PCDHA4: variants seen among roughly 807,000 people sequenced by gnomAD.
PCDHA4 encodes the protein protocadherin alpha 4.
A neutral mutation model predicts 61.4 loss-of-function variants in PCDHA4; 49 were observed. The observed-to-expected ratio is 0.80, with a 90% CI of 0.63 to 1.01. The LOEUF is 1.01. PCDHA4 is among the 50% of genes least tolerant of loss of function. PCDHA4 has a pLI of 0.00. For synonymous variants in PCDHA4, 590 were observed against 550.3 expected (o/e 1.07, Z -1.01); for missense variants, 1,254 against 1,235.8 (o/e 1.01, Z -0.22).
intron 1 of PCDHA4, among the ~76,000 whole-genome samples, chr5:140,820,018 G>T (rs1766670311): frequency 6.6e-6 from 1 of 151,780 alleles, no homozygotes; most frequent in Non-Finnish European, 1.5e-5. Flanking sequence ...TTATTCCATA[G>T]CTTTGTAGTT....
intron 1 of PCDHA4, among the ~76,000 whole-genome samples, chr5:140,947,178 C>T (rs1356075084): frequency 6.6e-6 from 1 of 151,188 alleles, no homozygotes. Context: ...GGTATATATT[C>T]ATGGTATACT....
At chr5:140,933,613 A>G (rs1441475985) in intron 1 of PCDHA4, among the ~76,000 whole-genome samples, 1 of 151,962 alleles carries the variant, frequency 6.6e-6, no homozygotes, top group Non-Finnish European at 1.5e-5. Flanking sequence ...TTCTTTTCTT[A>G]TTAGGTTAGG....
chr5:140,952,948 A>AG (rs1177459807), intron 1 of PCDHA4, among the ~76,000 whole-genome samples: 39 of 152,028 alleles, frequency 2.6e-4, no homozygotes, highest in African/African-American at 8.5e-4. Context: ...GAGAGAGAGA[A>AG]GGGGGAAGTG....
chr5:140,975,588 A>G (rs2096673583), intron 1 of PCDHA4, among the ~76,000 whole-genome samples: 1 of 152,210 alleles, frequency 6.6e-6, no homozygotes, highest in South Asian at 2.1e-4. Context: ...CATGTCCCAG[A>G]GGGCAATTTG....
chr5:140,882,748 A>G (rs1562779294), intron 1 of PCDHA4: 1 of 1,614,258 alleles, frequency 6.2e-7, no homozygotes, highest in Non-Finnish European at 8.5e-7. Flanking sequence ...CATCCGATGC[A>G]GATATTGGAG....
At chr5:140,996,655 A>G (rs974466773) in intron 3 of PCDHA4, among the ~76,000 whole-genome samples, 5 of 152,226 alleles carry the variant, frequency 3.3e-5, no homozygotes, top group African/African-American at 1.2e-4. Context: ...TCCTGGGTGC[A>G]GGCTAGTTTT....
At chr5:140,850,634 C>T (rs2150491694) in intron 1 of PCDHA4, 2 of 1,598,662 alleles carry the variant, frequency 1.3e-6, no homozygotes, top group South Asian at 1.1e-5. Flanking sequence ...TGTTGGTTCT[C>T]ACGCTGCTGC....
At chr5:140,987,722 T>C (rs2097265966) in intron 3 of PCDHA4, among the ~76,000 whole-genome samples, 1 of 152,204 alleles carries the variant, frequency 6.6e-6, no homozygotes, top group Admixed American at 6.5e-5. Context: ...GAGTCTATCC[T>C]ACAGCTTCAA....
intron 1 of PCDHA4, chr5:140,876,441 T>C (rs1582281358): frequency 6.2e-7 from 1 of 1,613,992 alleles, no homozygotes; most frequent in East Asian, 2.2e-5. Flanking sequence ...TTAACGCCAT[T>C]GATAAAGGGA....
At chr5:140,935,245 T>A (rs1409133658) in intron 1 of PCDHA4, among the ~76,000 whole-genome samples, 1 of 152,200 alleles carries the variant, frequency 6.6e-6, no homozygotes, top group Non-Finnish European at 1.5e-5. Flanking sequence ...TTTTAAAAGA[T>A]AAAATACATC....
chr5:140,814,824 T>G (rs1554126612), intron 1 of PCDHA4: 2 of 152,246 alleles, frequency 1.3e-5, no homozygotes, highest in Non-Finnish European at 2.9e-5. Context: ...TTGCTATCTA[T>G]TTCTCCATTT....
At chr5:140,877,627 A>G (rs782765998) in intron 1 of PCDHA4, 3 of 1,613,732 alleles carry the variant, frequency 1.9e-6, no homozygotes, top group Admixed American at 3.3e-5. Context: ...GCTGCTGTAC[A>G]CTGCGCTGCG....
chr5:140,889,063 A>G (rs1423499022), intron 1 of PCDHA4, among the ~76,000 whole-genome samples: 2 of 151,938 alleles, frequency 1.3e-5, no homozygotes, highest in Non-Finnish European at 2.9e-5. Context: ...CTTTTAATAT[A>G]CTACTTATTT....
rs2150484404 is a variant in PCDHA4, at chr5:140,850,437, C to T, written c.2385+40865C>T. 6.3e-6 allele frequency: 10 copies of T among 1,597,794 alleles called. 1 individual carries two copies. Among genetic ancestry groups the T allele is most frequent in the African/African-American group, 1.3e-5 (1 of 74,284 alleles). ...AACGGACGCACCGCGCCAGCGCCTA[C>T]TGGTGCTGGTGAAAGACCACGGGGA... On this transcript the variant is annotated intron_variant, in intron 1 of 3. Transcript: ENST00000530339.
At chr5:140,859,230 G>A (rs1168816968) in intron 1 of PCDHA4, 2 of 149,852 alleles carry the variant, frequency 1.3e-5, no homozygotes, top group Non-Finnish European at 3.0e-5. Context: ...TAAGGAAGGA[G>A]TCATGCTTAT....
intron 1 of PCDHA4, among the ~76,000 whole-genome samples, chr5:140,838,428 T>G (rs1373601057): frequency 6.6e-6 from 1 of 151,638 alleles, no homozygotes; most frequent in Non-Finnish European, 1.5e-5. Context: ...CCGGCCTAAA[T>G]TATATATTGG....
rs2060245016 is a variant in PCDHA4 at position 140,884,536 on chromosome 5, G to C, written c.2385+74964G>C. 5 of 1,614,090 alleles carry C rather than the reference G, an allele frequency of 3.1e-6. No individual in the cohort carries two copies. In the East Asian group the frequency reaches 1.1e-4, roughly 36 times the overall value. ...GGTCGTACTCGCAGCAGAGGCGGCC[G>C]AGGGTGTGCTCTGGGGAGGGCCCGC... On this transcript the variant is annotated intron_variant, in intron 1 of 3. Transcript: ENST00000530339.
At chr5:140,927,678 A>G in intron 1 of PCDHA4, 1 of 1,614,180 alleles carries the variant, frequency 6.2e-7, no homozygotes, top group Non-Finnish European at 8.5e-7. Context: ...ATCCAGATGA[A>G]GGGTCCAATG....
chr5:140,917,327 GGGA>G (rs1563018681), intron 1 of PCDHA4, among the ~76,000 whole-genome samples: 5 of 149,526 alleles, frequency 3.3e-5, no homozygotes, highest in Admixed American at 6.6e-5. Context: ...CATGTGGCGG[GGGA>G]GGGGGGGGAT....
Sources: gnomAD v4.1 joint callset for allele counts (sites outside exome capture counted in the v4.1 genomes callset) on GRCh38, gnomAD v4.1.1 for gene constraint, MANE v1.5 for transcripts, NCBI Gene and HGNC (gene_info 2026-07-23, HGNC 2026-07-21) for gene names.